The following FBXL14 variants were observed in gnomAD, a reference collection of about 807,000 sequenced individuals.
FBXL14 encodes F-box/LRR-repeat protein 14.
A neutral mutation model predicts 24.5 loss-of-function variants in FBXL14; 11 were observed. The ratio of observed to expected loss-of-function variants is 0.45; its 90% CI spans 0.28 to 0.74. The LOEUF (loss-of-function observed/expected upper bound fraction) is 0.74, where lower values mean the gene tolerates loss of function less well. Ranked by LOEUF, FBXL14 falls within the 30% of genes least tolerant of loss-of-function variation. FBXL14 has a pLI of 0.12. For synonymous variants in FBXL14, 294 were observed against 240.4 expected (o/e 1.22, Z -2.06); for missense variants, 384 against 545.6 (o/e 0.70, Z 2.95).
Position 1,567,106 on chromosome 12 carries a change from C to T in FBXL14, c.1195-296G>A, listed in dbSNP as rs2154437603. ...CCTTCCCACCGCACACTCACGGCCTCTTTACAGCAGCTGCCTTTACCCGGT... is the reference window on the plus strand; with the variant it reads ...CCTTCCCACCGCACACTCACGGCCTTTTTACAGCAGCTGCCTTTACCCGGT... On this transcript the variant is annotated intron_variant, in intron 1 of 1. Coordinates refer to ENST00000339235, the MANE Select transcript of FBXL14 (RefSeq NM_152441.3). The surrounding 1 kb of genome is among the most constrained non-coding windows in gnomAD (Gnocchi z 4.8). 6.6e-6 allele frequency among the ~76,000 whole-genome samples: 1 copy of T among 152,252 alleles called. No homozygotes were observed.
chr12:1,594,543 AGGAGGC>A lies in FBXL14; in HGVS notation c.-483_-478del, dbSNP rs969262419. Among the ~76,000 whole-genome samples the A allele has an allele frequency of 1.4e-5, 2 of 147,704 alleles. No homozygotes were observed. The highest frequency in any genetic ancestry group is 2.4e-5 in the African/African-American group (1 of 40,858). On this transcript the variant is annotated 5_prime_UTR_variant, in exon 1 of 2. Coordinates refer to ENST00000339235, the MANE Select transcript of FBXL14 (RefSeq NM_152441.3). ...CCGGGCGCACGGGCTCCGGGCGCGG[AGGAGGC>A]TTCCTGCTGCCTTTGTCTCTCGCCC... is the stretch of plus-strand genomic sequence containing the variant.
intron 1 of FBXL14, among the ~76,000 whole-genome samples, chr12:1,584,113 G>A (rs943769317): frequency 5.3e-5 from 8 of 152,118 alleles, no homozygotes; most frequent in African/African-American, 1.9e-4. Flanking sequence ...GGGAGGCCGA[G>A]ATGGGAGGAT....
chr12:1,593,735 G>C lies in FBXL14; in HGVS notation c.332C>G (p.Ala111Gly). 6.2e-7 allele frequency: 1 copy of C among 1,614,138 alleles called. No homozygotes were observed. The highest frequency in any genetic ancestry group is 1.7e-5 in the Admixed American group (1 of 60,032). Residue 111 changes from alanine to glycine, a missense_variant, in exon 1 of 2, where the codon GCG becomes GGG. Physicochemically the swap from Ala to Gly is moderately conservative, Grantham distance 60 (BLOSUM62 0). Coordinates refer to ENST00000339235, the MANE Select transcript of FBXL14 (RefSeq NM_152441.3). This position sits in a 1 kb window ranked among gnomAD's most constrained non-coding sequence, Gnocchi z 7.4. ...YNLTDNGLGH[A>G]FVQEIGSLRA... is the part of the protein sequence containing the mutation. ...CAGGGAGCCGATCTCCTGCACAAAC[G>C]CGTGGCCCAGCCCGTTGTCGGTGAG...
At chr12:1,590,548 C>CAA (rs1465912208) in intron 1 of FBXL14, among the ~76,000 whole-genome samples, 1 of 152,152 alleles carries the variant, frequency 6.6e-6, no homozygotes, top group Non-Finnish European at 1.5e-5. Flanking sequence ...CACAGGGTGT[C>CAA]AGATTATTTT....
Position 1,594,390 on chromosome 12 carries a change from C to T in FBXL14, c.-324G>A, listed in dbSNP as rs1014735292. ...GCCGGCCGCCGCCGCCGCCTCGGCT[C>T]TACCCACGCCGCGCCCGGGCCGCGC... On this transcript the variant is annotated 5_prime_UTR_variant, in exon 1 of 2. It removes the in-frame stop codon of an upstream open reading frame in the 5' UTR. Coordinates refer to ENST00000339235, the MANE Select transcript of FBXL14 (RefSeq NM_152441.3). Among the ~76,000 whole-genome samples the T allele has an allele frequency of 1.2e-4, 18 of 145,902 alleles. No homozygotes were observed. Among genetic ancestry groups the T allele is most frequent in the African/African-American group, 4.4e-4 (18 of 40,754 alleles).
At position 1,594,026 on chromosome 12, in the gene FBXL14, G is replaced by A. The variant is rs1332976903; in HGVS notation, c.41C>T (p.Ala14Val). 1 of 1,565,986 alleles carries A rather than the reference G, an allele frequency of 6.4e-7. No individual in the cohort carries two copies. Among genetic ancestry groups the A allele is most frequent in the South Asian group, 1.2e-5 (1 of 86,066 alleles). The change falls in exon 1 of 2, where the codon GCC becomes GTC. Residue 14 changes from alanine to valine, a missense_variant. By Grantham distance (64) the Ala-to-Val change is moderately conservative. Coordinates refer to ENST00000339235, the MANE Select transcript of FBXL14 (RefSeq NM_152441.3). ...HISCLFPELLAMIFGYLDVRD... is the reference protein window; with the variant it reads ...HISCLFPELLVMIFGYLDVRD... ...GACGTCCAGGTAGCCGAAGATCATG[G>A]CCAGCAGCTCCGGGAACAGGCATGA...
chr12:1,588,935 G>A lies in FBXL14; in HGVS notation c.1194+3938C>T, dbSNP rs1269400975. 5.3e-5 allele frequency among the ~76,000 whole-genome samples: 8 copies of A among 151,818 alleles called. No individual in the cohort carries two copies. In the East Asian group the frequency reaches 1.6e-3, roughly 29 times the overall value. On this transcript the variant is annotated intron_variant, in intron 1 of 1. Coordinates refer to ENST00000339235, the MANE Select transcript of FBXL14 (RefSeq NM_152441.3). ...GGATCAACTTTTCATACCACCAAGA[G>A]TCACCCCTATTCCCTTTGAAGTACT... is the stretch of plus-strand genomic sequence containing the variant.
intron 1 of FBXL14, among the ~76,000 whole-genome samples, chr12:1,568,258 G>C (rs2094439539): frequency 6.6e-6 from 1 of 152,210 alleles, no homozygotes; most frequent in Non-Finnish European, 1.5e-5. Context: ...AGTGGAGTGA[G>C]ATGTGAGGGT....
chr12:1,573,975 A>C (rs996729562), intron 1 of FBXL14, among the ~76,000 whole-genome samples: 3 of 151,866 alleles, frequency 2.0e-5, no homozygotes, highest in Admixed American at 6.6e-5. Flanking sequence ...ATTGCACTCC[A>C]GCCTGGGCAA....
chr12:1,591,906 C>T (rs891136649), intron 1 of FBXL14, among the ~76,000 whole-genome samples: 3 of 152,052 alleles, frequency 2.0e-5, no homozygotes, highest in African/African-American at 7.2e-5. Context: ...AACAACGGTT[C>T]AACTCTCATT....
chr12:1,576,958 A>G (rs981605565), intron 1 of FBXL14, among the ~76,000 whole-genome samples: 5 of 152,222 alleles, frequency 3.3e-5, no homozygotes, highest in African/African-American at 1.2e-4. Context: ...AACTGCTGCA[A>G]TGCGTTGGTC....
At position 1,593,709 on chromosome 12, in the gene FBXL14, G is replaced by T; in HGVS notation, c.358C>A (p.Arg120Ser). Residue 120 changes from arginine to serine, a missense_variant, in exon 1 of 2, where the codon CGC (arginine) becomes AGC (serine). Transcript: ENST00000339235. This position sits in a 1 kb window ranked among gnomAD's most constrained non-coding sequence, Gnocchi z 7.4. ...TTGCAGAGGCTCAGGTTGAGAGCGCGCAGGGAGCCGATCTCCTGCACAAAC... is the reference window on the plus strand; with the variant it reads ...TTGCAGAGGCTCAGGTTGAGAGCGCTCAGGGAGCCGATCTCCTGCACAAAC... ...HAFVQEIGSL[R>S]ALNLSLCKQI... is the part of the protein sequence containing the mutation. The T allele has an allele frequency of 1.2e-6, 2 of 1,614,132 alleles. 1 individual carries two copies. Among genetic ancestry groups the T allele is most frequent in the Non-Finnish European group, 1.7e-6 (2 of 1,180,012 alleles).
At chr12:1,591,938 A>AAAT in intron 1 of FBXL14, among the ~76,000 whole-genome samples, 1 of 152,238 alleles carries the variant, frequency 6.6e-6, no homozygotes, top group Admixed American at 6.5e-5. Flanking sequence ...TTTGTGCTAT[A>AAAT]AATTAAGATT....
intron 1 of FBXL14, chr12:1,587,223 G>A (rs2094478561): frequency 7.8e-6 from 1 of 128,836 alleles, no homozygotes; most frequent in African/African-American, 3.0e-5. Context: ...GACAACAAGA[G>A]TGAAACTCCG....
At position 1,593,235 on chromosome 12, in the gene FBXL14, T is replaced by C. The variant is rs760799772; in HGVS notation, c.832A>G (p.Ser278Gly). Residue 278 changes from serine (S) to glycine (G), a missense_variant, in exon 1 of 2, where the codon AGC becomes GGC. By Grantham distance (56) the Ser-to-Gly change is moderately conservative (BLOSUM62 0). Coordinates refer to ENST00000339235, the MANE Select transcript of FBXL14 (RefSeq NM_152441.3). This position sits in a 1 kb window ranked among gnomAD's most constrained non-coding sequence, Gnocchi z 7.4. The stretch of plus-strand genomic sequence containing the variant: ...ACATCCAGCCCCGAGAGGCGCAGGC[T>C]GCCCATGGCCAGATGCATGATGCCC... ...DTGIMHLAMGSLRLSGLDVSF... is the reference protein window; with the variant it reads ...DTGIMHLAMGGLRLSGLDVSF... 6 of 1,612,732 alleles carry C rather than the reference T, an allele frequency of 3.7e-6. No homozygotes were observed. The highest frequency in any genetic ancestry group is 5.1e-6 in the Non-Finnish European group (6 of 1,180,030).
intron 1 of FBXL14, among the ~76,000 whole-genome samples, chr12:1,589,673 C>T (rs896243215): frequency 1.3e-5 from 2 of 152,174 alleles, no homozygotes; most frequent in Non-Finnish European, 2.9e-5. Flanking sequence ...AGGTTCTCAA[C>T]ACGTTAATTG....
chr12:1,592,302 A>T (rs1324113905), intron 1 of FBXL14, among the ~76,000 whole-genome samples: 1 of 151,432 alleles, frequency 6.6e-6, no homozygotes, highest in Non-Finnish European at 1.5e-5. Context: ...ACAGGAAAGA[A>T]GATTAAGAAC....
At chr12:1,571,195 G>GTT (rs201436877) in intron 1 of FBXL14, among the ~76,000 whole-genome samples, 2 of 136,032 alleles carry the variant, frequency 1.5e-5, no homozygotes, top group African/African-American at 5.1e-5. Flanking sequence ...TTCTGGTGGG[G>GTT]TTTTTTTTGT....
At chr12:1,580,282 G>A (rs966783897) in intron 1 of FBXL14, among the ~76,000 whole-genome samples, 6 of 152,194 alleles carry the variant, frequency 3.9e-5, no homozygotes, top group African/African-American at 1.4e-4. Flanking sequence ...AGAGGTTAGA[G>A]GTTAATGAAT....
Sources: gnomAD v4.1 joint callset for allele counts (sites outside exome capture counted in the v4.1 genomes callset) on GRCh38, gnomAD v4.1.1 for gene constraint, Gnocchi (gnomAD v3.1) non-coding constraint, MANE v1.5 for transcripts, NCBI Gene and HGNC (gene_info 2026-07-23, HGNC 2026-07-21) for gene names.